The following FIGN variants were observed in gnomAD, a reference collection of about 807,000 sequenced individuals.
FIGN encodes fidgetin.
Under a neutral mutation model 51.3 loss-of-function variants are expected in FIGN, and 11 were observed. The observed-to-expected ratio is 0.21, with a 90% CI of 0.13 to 0.35. The LOEUF (loss-of-function observed/expected upper bound fraction) is 0.35. Among genes scored for constraint, FIGN ranks in the 10% least tolerant of loss-of-function variants. The probability of loss-of-function intolerance (pLI) is 1.00; values close to 1 mark genes in which losing one functional copy is unlikely to be tolerated. For missense variants in FIGN, 857 were observed against 943.6 expected (o/e 0.91, Z 1.20); for synonymous variants, 407 against 363.2 (o/e 1.12, Z -1.37).
intron 2 of FIGN, among the ~76,000 whole-genome samples, chr2:163,724,165 T>C (rs1413338159): frequency 6.6e-6 from 1 of 152,138 alleles, no homozygotes; most frequent in East Asian, 1.9e-4. Flanking sequence ...TTACCCAAGG[T>C]AACAAAATGA....
At chr2:163,645,334 A>G (rs957402973) in intron 2 of FIGN, among the ~76,000 whole-genome samples, 5 of 152,166 alleles carry the variant, frequency 3.3e-5, no homozygotes, top group Non-Finnish European at 7.3e-5. Flanking sequence ...AGGCCCTAGC[A>G]TTGCAACCAA....
At chr2:163,635,625 G>T (rs1429415339) in intron 2 of FIGN, among the ~76,000 whole-genome samples, 6 of 152,042 alleles carry the variant, frequency 3.9e-5, no homozygotes, top group Non-Finnish European at 5.9e-5. Context: ...AACAAACATT[G>T]TAAGTAGGAT....
chr2:163,670,878 G>A (rs1206992761), intron 2 of FIGN, among the ~76,000 whole-genome samples: 1 of 152,114 alleles, frequency 6.6e-6, no homozygotes, highest in Non-Finnish European at 1.5e-5. Flanking sequence ...GAGAAAAAAA[G>A]ACATTAGCCT....
chr2:163,612,373 T>C (rs1691284520), intron 2 of FIGN: 5 of 985,316 alleles, frequency 5.1e-6, no homozygotes. Flanking sequence ...AGTATAATGC[T>C]CCCTGCGCAG....
In FIGN at chr2:163,697,356, C is replaced by T. The variant is rs376927798; in HGVS notation, c.25+37547G>A. On this transcript the variant is annotated intron_variant, in intron 2 of 2. Coordinates refer to ENST00000333129, the MANE Select transcript of FIGN (RefSeq NM_018086.4). ...CCTCAAGTGATTCCTCCGCCTTGGCCTCCTGAAGTGCTGGAATTGCAGGCA... is the reference window on the plus strand; with the variant it reads ...CCTCAAGTGATTCCTCCGCCTTGGCTTCCTGAAGTGCTGGAATTGCAGGCA... Among the ~76,000 whole-genome samples the T allele has an allele frequency of 3.1e-4, 47 of 152,076 alleles. No individual in the cohort carries two copies. In the South Asian group the frequency reaches 9.6e-3, roughly 31 times the overall value.
intron 2 of FIGN, among the ~76,000 whole-genome samples, chr2:163,663,296 AC>A (rs1683720143): frequency 6.6e-6 from 1 of 151,678 alleles, no homozygotes; most frequent in African/African-American, 2.4e-5. Flanking sequence ...CTCTGGAAGA[AC>A]CGTTCTGAAT....
At chr2:163,662,192 T>C (rs958706715) in intron 2 of FIGN, among the ~76,000 whole-genome samples, 1 of 152,106 alleles carries the variant, frequency 6.6e-6, no homozygotes, top group Non-Finnish European at 1.5e-5. Context: ...GAGGAACTTG[T>C]TGGGAACTGG....
chr2:163,665,297 A>G (rs1429285109), intron 2 of FIGN, among the ~76,000 whole-genome samples: 5 of 152,276 alleles, frequency 3.3e-5, no homozygotes, highest in Non-Finnish European at 7.3e-5. Flanking sequence ...GAATTAAGGA[A>G]GAGCCATTCT....
intron 2 of FIGN, among the ~76,000 whole-genome samples, chr2:163,717,238 G>C (rs1051929494): frequency 6.6e-6 from 1 of 152,178 alleles, no homozygotes; most frequent in East Asian, 1.9e-4. Context: ...ATGTTGCTAA[G>C]GTTAACTACG....
At chr2:163,616,722 A>G (rs1682883685) in intron 2 of FIGN, among the ~76,000 whole-genome samples, 1 of 152,166 alleles carries the variant, frequency 6.6e-6, no homozygotes, top group Non-Finnish European at 1.5e-5. Flanking sequence ...TTAATATAAT[A>G]TTAGCAAGGG....
At chr2:163,664,654 A>G (rs1336021254) in intron 2 of FIGN, among the ~76,000 whole-genome samples, 2 of 152,232 alleles carry the variant, frequency 1.3e-5, no homozygotes, top group African/African-American at 4.8e-5. Flanking sequence ...GATTCAACTC[A>G]GGTTCATGAA....
Position 163,715,263 on chromosome 2 carries a change from G to A in FIGN, c.25+19640C>T, listed in dbSNP as rs1382715996. Among the ~76,000 whole-genome samples, 4 of 152,140 alleles carry A rather than the reference G, an allele frequency of 2.6e-5. No individual in the cohort carries two copies. The East Asian group carries it at 5.8e-4, about 22-fold the overall frequency. ...CCTCAGTACTCGAGCTCACCAGTGC[G>A]CTGACCCTCTGTATCTTGGAGTCAT... On this transcript the variant is annotated intron_variant, in intron 2 of 2. Transcript: ENST00000333129.
intron 2 of FIGN, among the ~76,000 whole-genome samples, chr2:163,731,058 T>C: frequency 6.6e-6 from 1 of 152,160 alleles, no homozygotes; most frequent in East Asian, 1.9e-4. Context: ...TCTGTTGATT[T>C]TGGGCCACTA....
At chr2:163,675,812 A>G (rs1683952502) in intron 2 of FIGN, among the ~76,000 whole-genome samples, 1 of 142,496 alleles carries the variant, frequency 7.0e-6, no homozygotes, top group South Asian at 2.1e-4. Context: ...AGTAGGATTC[A>G]TCATATATAA....
chr2:163,646,231 C>A (rs562906757), intron 2 of FIGN, among the ~76,000 whole-genome samples: 1 of 152,050 alleles, frequency 6.6e-6, no homozygotes, highest in African/African-American at 2.4e-5. Flanking sequence ...AAAAGAAATG[C>A]CTTTGTTCTA....
intron 2 of FIGN, among the ~76,000 whole-genome samples, chr2:163,715,198 T>C (rs936867328): frequency 1.3e-5 from 2 of 152,182 alleles, no homozygotes; most frequent in African/African-American, 4.8e-5. Flanking sequence ...GAGAGGAGTC[T>C]GCAGTTATGG....
chr2:163,655,346 C>T (rs1683542266), intron 2 of FIGN, among the ~76,000 whole-genome samples: 1 of 152,082 alleles, frequency 6.6e-6, no homozygotes, highest in African/African-American at 2.4e-5. Flanking sequence ...TCCAATGGGA[C>T]AAGATCACAA....
intron 2 of FIGN, among the ~76,000 whole-genome samples, chr2:163,625,738 G>T (rs1331763627): frequency 6.6e-6 from 1 of 151,768 alleles, no homozygotes; most frequent in African/African-American, 2.4e-5. Flanking sequence ...TATTGTTTTG[G>T]AGGACAACTA....
At chr2:163,724,160 C>A (rs1372725473) in intron 2 of FIGN, among the ~76,000 whole-genome samples, 1 of 152,138 alleles carries the variant, frequency 6.6e-6, no homozygotes, top group Non-Finnish European at 1.5e-5. Context: ...ATGGCTTACC[C>A]AAGGTAACAA....
Sources: allele counts gnomAD v4.1 joint callset (sites outside exome capture counted in the v4.1 genomes callset), GRCh38; gene constraint gnomAD v4.1.1; transcripts MANE v1.5; gene names NCBI Gene and HGNC (gene_info 2026-07-23, HGNC 2026-07-21).